The following ILDR1 variants were observed in gnomAD, a reference collection of about 807,000 sequenced individuals.
ILDR1 encodes immunoglobulin-like domain-containing receptor 1.
In ILDR1, 56 loss-of-function variants were observed where a neutral mutation model predicts 62.4. The observed-to-expected ratio is 0.90, with a 90% CI of 0.72 to 1.12. ILDR1 has a LOEUF of 1.12. ILDR1 is among the 50% of genes most tolerant of loss of function. ILDR1 has a pLI of 0.00. For synonymous variants in ILDR1, 284 were observed against 277.8 expected (o/e 1.02, Z -0.22); for missense variants, 736 against 710.6 (o/e 1.04, Z -0.41).
At chr3:122,016,023 A>G (rs531282042) in intron 1 of ILDR1, among the ~76,000 whole-genome samples, 1 of 152,248 alleles carries the variant, frequency 6.6e-6, no homozygotes, top group African/African-American at 2.4e-5. Flanking sequence ...AAAACTTCCT[A>G]CCATGACCCA....
the ILDR1 span, among the ~76,000 whole-genome samples, chr3:122,046,702 T>G: frequency 1.2e-4 from 17 of 145,854 alleles, 1 homozygote; most frequent in East Asian, 8.1e-4. Flanking sequence ...TTCTTCCAGT[T>G]GATCGCATTG....
In ILDR1 at chr3:121,993,410, G is replaced by T. The variant is rs533076598; in HGVS notation, c.1339C>A (p.Pro447Thr). The change falls in exon 7 of 8, where the codon CCC (proline) becomes ACC (threonine). Residue 447 changes from proline (P) to threonine (T), a missense_variant. Pro to Thr is a conservative substitution (Grantham distance 38). Transcript: ENST00000344209. ...PPFRSRCQER[P>T]RRPSPRESTQ... ...CTCTCCCGGGGGCTGGGCCTGCGGG[G>T]CCTCTCCTGACAGCGGCTCCTGAAA... The T allele has an allele frequency of 1.2e-6, 2 of 1,613,708 alleles. No individual in the cohort carries two copies. Among genetic ancestry groups the T allele is most frequent in the South Asian group, 1.1e-5 (1 of 91,060 alleles).
At chr3:122,027,777 G>C in the ILDR1 span, among the ~76,000 whole-genome samples, 1 of 152,098 alleles carries the variant, frequency 6.6e-6, no homozygotes, top group Admixed American at 6.5e-5. Flanking sequence ...TAGTAATCTA[G>C]GAAGTAAACT....
the ILDR1 span, among the ~76,000 whole-genome samples, chr3:122,036,479 C>A: frequency 7.9e-5 from 12 of 151,854 alleles, no homozygotes; most frequent in Admixed American, 2.6e-4. Context: ...GTCCCAGCTA[C>A]TCAGGAGGCT....
the ILDR1 span, among the ~76,000 whole-genome samples, chr3:122,042,222 C>T: frequency 2.7e-5 from 2 of 75,108 alleles, no homozygotes; most frequent in Admixed American, 1.7e-4. Flanking sequence ...CAATTTCATC[C>T]ATGTCCCTAC....
the ILDR1 span, among the ~76,000 whole-genome samples, chr3:122,044,722 T>G: frequency 6.6e-6 from 1 of 151,692 alleles, no homozygotes; most frequent in Non-Finnish European, 1.5e-5. Context: ...TTTGTAGTAT[T>G]CTCTGATGGT....
chr3:122,007,364 T>G (rs1006271884), intron 1 of ILDR1: 1 of 1,125,862 alleles, frequency 8.9e-7, no homozygotes, highest in African/African-American at 1.5e-5. Context: ...CAGAGGGACA[T>G]AGGAAGAAAG....
chr3:122,061,133 T>C, the ILDR1 span, among the ~76,000 whole-genome samples: 4 of 152,152 alleles, frequency 2.6e-5, no homozygotes, highest in African/African-American at 9.7e-5. Context: ...TTTGGTTAAG[T>C]GAACCAATTA....
At chr3:122,016,463 A>G (rs2071778491) in intron 1 of ILDR1, among the ~76,000 whole-genome samples, 2 of 152,394 alleles carry the variant, frequency 1.3e-5, no homozygotes, top group South Asian at 4.1e-4. Context: ...TGCAAGATAG[A>G]CTAAATTGCT....
chr3:121,999,731 T>C (rs1232752737), intron 5 of ILDR1, among the ~76,000 whole-genome samples: 1 of 152,130 alleles, frequency 6.6e-6, no homozygotes, highest in African/African-American at 2.4e-5. Context: ...AGAGAAATCT[T>C]GGAAGCTAAG....
upstream of ILDR1, among the ~76,000 whole-genome samples, chr3:122,024,122 T>C (rs773781158): frequency 4.9e-4 from 75 of 152,058 alleles, 1 homozygote; most frequent in Non-Finnish European, 1.2e-4. Context: ...TTCCCCGGAA[T>C]GTTAATACAC....
chr3:122,047,939 A>G, the ILDR1 span, among the ~76,000 whole-genome samples: 2 of 152,100 alleles, frequency 1.3e-5, no homozygotes, highest in Admixed American at 1.3e-4. Context: ...GGCTCCTCCC[A>G]CCTATTTCTT....
At chr3:122,054,030 T>G in the ILDR1 span, among the ~76,000 whole-genome samples, 2,011 of 152,338 alleles carry the variant, frequency 0.013, 42 homozygotes, top group African/African-American at 0.046. Flanking sequence ...TTTAAAATTC[T>G]CAAATCCAGA....
rs146697721 is a variant in ILDR1, at chr3:121,993,584, C to G, written c.1165G>C (p.Ala389Pro). 1.2e-6 allele frequency: 2 copies of G among 1,614,256 alleles called. No homozygotes were observed. The highest frequency in any genetic ancestry group is 1.7e-6 in the Non-Finnish European group (2 of 1,180,044). ...GGGTCCAACTCCCTTCTTTCCAATG[C>G]CCAAGACTTTGGCCCCCGGTCCTGG... ...ELQDRGPKSWALERRELDPSW... is the reference protein window; with the variant it reads ...ELQDRGPKSWPLERRELDPSW... Residue 389 changes from alanine (A) to proline (P), a missense_variant, in exon 7 of 8, where the codon GCA (alanine) becomes CCA (proline). Physicochemically the swap from Ala to Pro is conservative, Grantham distance 27. Transcript: ENST00000344209.
chr3:121,997,636 A>G (rs2071456312), intron 5 of ILDR1, among the ~76,000 whole-genome samples: 1 of 152,034 alleles, frequency 6.6e-6, no homozygotes, highest in African/African-American at 2.4e-5. Context: ...TTGTGGAAAA[A>G]TCTCCCTCGA....
chr3:122,044,709 G>C, the ILDR1 span, among the ~76,000 whole-genome samples: 1 of 151,116 alleles, frequency 6.6e-6, no homozygotes, highest in Admixed American at 6.6e-5. Flanking sequence ...TTGCGTAGAG[G>C]TGTTTGTAGT....
intron 5 of ILDR1, among the ~76,000 whole-genome samples, chr3:121,996,936 T>C (rs2071445837): frequency 1.3e-5 from 2 of 152,250 alleles, no homozygotes; most frequent in Admixed American, 1.3e-4. Flanking sequence ...AGTCTCGCTA[T>C]GTCACCCAGG....
chr3:122,057,823 G>A, the ILDR1 span, among the ~76,000 whole-genome samples: 2 of 152,184 alleles, frequency 1.3e-5, no homozygotes, highest in East Asian at 3.8e-4. Context: ...ATTTAGAACA[G>A]GCTGCAGCAC....
At chr3:122,011,269 T>G in intron 1 of ILDR1, among the ~76,000 whole-genome samples, 1 of 152,084 alleles carries the variant, frequency 6.6e-6, no homozygotes, top group East Asian at 1.9e-4. Flanking sequence ...CCAGGTTTGC[T>G]GGGGGTCAGA....
Sources: allele counts gnomAD v4.1 joint callset (sites outside exome capture counted in the v4.1 genomes callset), GRCh38; gene constraint gnomAD v4.1.1; transcripts MANE v1.5; gene names NCBI Gene and HGNC (gene_info 2026-07-23, HGNC 2026-07-21).